The following B3GLCT variants were observed in gnomAD, a reference collection of about 807,000 sequenced individuals.
B3GLCT encodes the protein beta-1,3-glucosyltransferase.
B3GLCT carries 65 observed loss-of-function variants against 63.4 expected under a neutral mutation model. The ratio of observed to expected loss-of-function variants is 1.03; its 90% CI spans 0.84 to 1.26. B3GLCT has a LOEUF of 1.26. Among genes scored for constraint, B3GLCT ranks in the 50% most tolerant of loss-of-function variants. B3GLCT has a pLI of 0.00. For missense variants in B3GLCT, 577 were observed against 604.8 expected (o/e 0.95, Z 0.48); for synonymous variants, 233 against 219.2 (o/e 1.06, Z -0.55).
intron 1 of B3GLCT, among the ~76,000 whole-genome samples, chr13:31,208,552 T>TC (rs1180292010): frequency 5.8e-5 from 8 of 138,040 alleles, no homozygotes; most frequent in Admixed American, 5.1e-4. Context: ...CCCCAGGCCC[T>TC]CCCTTCCCGT....
intron 12 of B3GLCT, among the ~76,000 whole-genome samples, chr13:31,290,027 C>T (rs913116973): frequency 2.6e-5 from 4 of 152,146 alleles, no homozygotes; most frequent in African/African-American, 9.7e-5. Flanking sequence ...GCCACCCCAC[C>T]TTCCAACAGG....
rs770169224 is a variant in B3GLCT at position 31,260,927 on chromosome 13, TTA to T, written c.460-15_460-14del. 1.2e-6 allele frequency: 2 copies of T among 1,608,530 alleles called. No individual in the cohort carries two copies. The highest frequency in any genetic ancestry group is 1.7e-6 in the Non-Finnish European group (2 of 1,175,018). On this transcript the variant is annotated splice_polypyrimidine_tract_variant and intron_variant, in intron 6 of 14. Transcript: ENST00000343307. ...AAATGATTGTTTTTAAAGTGACATG[TTA>T]TATCTTTATTTAACAGGAATGGTTT...
chr13:31,232,705 G>A (rs1870443026), intron 4 of B3GLCT, among the ~76,000 whole-genome samples: 3 of 152,138 alleles, frequency 2.0e-5, no homozygotes, highest in Admixed American at 6.5e-5. Flanking sequence ...AAGGTTTTCC[G>A]TGCACCATCT....
At chr13:31,246,275 C>T (rs1319111578) in intron 4 of B3GLCT, among the ~76,000 whole-genome samples, 4 of 152,114 alleles carry the variant, frequency 2.6e-5, no homozygotes, top group Non-Finnish European at 4.4e-5. Flanking sequence ...TTTGTAACAA[C>T]TTGAAATATA....
intron 6 of B3GLCT, among the ~76,000 whole-genome samples, chr13:31,250,274 A>G (rs1398708608): frequency 6.6e-6 from 1 of 152,108 alleles, no homozygotes; most frequent in Non-Finnish European, 1.5e-5. Flanking sequence ...CCCAGGTTCA[A>G]TCAATTCTTG....
Position 31,221,156 on chromosome 13 carries a change from C to T in B3GLCT, c.121-1796C>T, listed in dbSNP as rs573512854. On this transcript the variant is annotated intron_variant, in intron 2 of 14. Transcript: ENST00000343307. ...TATCTTTTCTGAGCCTCTGTTATCT[C>T]ATTTGCAAAAGGGGAGTGTTGGGTT... Among the ~76,000 whole-genome samples, 14 of 152,300 alleles carry T rather than the reference C, an allele frequency of 9.2e-5. No individual in the cohort carries two copies. The East Asian group carries it at 2.5e-3, about 27-fold the overall frequency.
intron 6 of B3GLCT, among the ~76,000 whole-genome samples, chr13:31,250,349 T>G (rs746064363): frequency 2.6e-5 from 4 of 152,164 alleles, no homozygotes; most frequent in Non-Finnish European, 4.4e-5. Flanking sequence ...AATTTTTGAA[T>G]TTTTAGTAAA....
chr13:31,232,481 C>T (rs1870430554), intron 4 of B3GLCT, among the ~76,000 whole-genome samples: 1 of 152,114 alleles, frequency 6.6e-6, no homozygotes, highest in Non-Finnish European at 1.5e-5. Context: ...AACTCACTCT[C>T]CTCACGACAG....
At chr13:31,204,593 G>A (rs1299133812) in intron 1 of B3GLCT, among the ~76,000 whole-genome samples, 1 of 152,164 alleles carries the variant, frequency 6.6e-6, no homozygotes, top group Non-Finnish European at 1.5e-5. Flanking sequence ...GGGCCTTGCA[G>A]ATCAGGGGAC....
intron 12 of B3GLCT, among the ~76,000 whole-genome samples, chr13:31,294,928 T>C (rs1400469081): frequency 6.6e-6 from 1 of 152,022 alleles, no homozygotes; most frequent in African/African-American, 2.4e-5. Context: ...TTTGCACTGG[T>C]TTTTCCTCAT....
At chr13:31,281,339 A>G (rs1873059885) in intron 10 of B3GLCT, among the ~76,000 whole-genome samples, 1 of 152,178 alleles carries the variant, frequency 6.6e-6, no homozygotes, top group African/African-American at 2.4e-5. Flanking sequence ...GTCTAGAGGC[A>G]AATCTGAACA....
intron 4 of B3GLCT, 72 bp from the exon 5 acceptor site, chr13:31,246,951 C>CTTTTTTTTTTTTTTTTTCTTTTTT (rs66466340): frequency 5.1e-6 from 4 of 779,666 alleles, no homozygotes; most frequent in South Asian, 3.6e-5. Context: ...CTTTTCTTTT[C>CTTTTTTTTTTTTTTTTTCTTTTTT]TTTTTTTTTT....
chr13:31,238,938 G>T (rs1403311715), intron 4 of B3GLCT, among the ~76,000 whole-genome samples: 2 of 152,192 alleles, frequency 1.3e-5, no homozygotes, highest in African/African-American at 4.8e-5. Context: ...TTGAGTTGAC[G>T]CTGTGCTAAT....
At chr13:31,226,806 G>A (rs539323169) in intron 3 of B3GLCT, among the ~76,000 whole-genome samples, 1 of 151,908 alleles carries the variant, frequency 6.6e-6, no homozygotes, top group Admixed American at 6.6e-5. Flanking sequence ...CATATAAGAA[G>A]TTATAAAGAG....
chr13:31,268,398 G>A (rs576959090), intron 7 of B3GLCT, among the ~76,000 whole-genome samples: 1 of 152,300 alleles, frequency 6.6e-6, no homozygotes, highest in Admixed American at 6.5e-5. Context: ...AGAAAGTATA[G>A]CACAGAGAGA....
intron 2 of B3GLCT, 75 bp downstream of exon 2, chr13:31,215,175 C>T: frequency 7.5e-7 from 1 of 1,340,530 alleles, no homozygotes; most frequent in Non-Finnish European, 1.1e-6. Flanking sequence ...GAATAGTAAT[C>T]ATTTCATTCT....
At position 31,276,394 on chromosome 13, in the gene B3GLCT, A is replaced by G. The variant is rs555962899; in HGVS notation, c.781-308A>G. ...AGTTACTATGTGCTTAATAAATTATAGTAATAATAGCAGCCTTGCAGTGGT... is the reference window on the plus strand; with the variant it reads ...AGTTACTATGTGCTTAATAAATTATGGTAATAATAGCAGCCTTGCAGTGGT... On this transcript the variant is annotated intron_variant, in intron 9 of 14. Coordinates refer to ENST00000343307, the MANE Select transcript of B3GLCT (RefSeq NM_194318.4). Among the ~76,000 whole-genome samples, 4 of 152,346 alleles carry G rather than the reference A, an allele frequency of 2.6e-5. No homozygotes were observed. The South Asian group carries it at 6.2e-4, about 24-fold the overall frequency.
rs146286385 is a variant in B3GLCT, at chr13:31,271,331, C to T, written c.660+2054C>T. Among the ~76,000 whole-genome samples, 297 of 152,338 alleles carry T rather than the reference C, an allele frequency of 1.9e-3. 3 individuals carry two copies. The highest frequency in any genetic ancestry group is 6.9e-3 in the African/African-American group (288 of 41,580). On this transcript the variant is annotated intron_variant, in intron 8 of 14. Coordinates refer to ENST00000343307, the MANE Select transcript of B3GLCT (RefSeq NM_194318.4). ...ACTTATTTTTACTTTCTATAGTAGT[C>T]TCCCATATGACCATAATAATTTATT...
chr13:31,283,395 A>T (rs1873163434), intron 10 of B3GLCT: 1 of 152,204 alleles, frequency 6.6e-6, no homozygotes, highest in Admixed American at 6.5e-5. Flanking sequence ...TGGAAGTAGA[A>T]CAGAGTGAAA....
Sources: allele counts gnomAD v4.1 joint callset (sites outside exome capture counted in the v4.1 genomes callset), GRCh38; gene constraint gnomAD v4.1.1; transcripts MANE v1.5; gene names NCBI Gene and HGNC (gene_info 2026-07-23, HGNC 2026-07-21).